The following MGAT4C variants were observed in gnomAD, a reference collection of about 807,000 sequenced individuals.
MGAT4C encodes MGAT4 family member C, also known as alpha-1,3-mannosyl-glycoprotein 4-beta-N-acetylglucosaminyltransferase C.
MGAT4C carries 19 observed loss-of-function variants against 40.1 expected under a neutral mutation model. That is an observed-to-expected ratio of 0.47 (90% confidence interval 0.33 to 0.70). The LOEUF (loss-of-function observed/expected upper bound fraction) is 0.70. MGAT4C is among the 30% of genes least tolerant of loss of function. The pLI, the probability that MGAT4C is intolerant of heterozygous loss-of-function variation, is 0.02. For missense variants in MGAT4C, 491 were observed against 563.2 expected (o/e 0.87, Z 1.30); for synonymous variants, 181 against 187.1 (o/e 0.97, Z 0.27).
chr12:86,787,619 C>A (rs968676187), intron 1 of MGAT4C, among the ~76,000 whole-genome samples: 4 of 151,938 alleles, frequency 2.6e-5, no homozygotes, highest in African/African-American at 7.3e-5. Context: ...AGTCAAAAAA[C>A]AACAGCTATT....
At chr12:86,622,688 T>C (rs951631442) in intron 2 of MGAT4C, among the ~76,000 whole-genome samples, 2 of 152,092 alleles carry the variant, frequency 1.3e-5, no homozygotes, top group African/African-American at 4.8e-5. Context: ...TCAAGAATAT[T>C]AATGAGAATA....
At chr12:86,510,385 A>C (rs574452579) in intron 2 of MGAT4C, among the ~76,000 whole-genome samples, 116 of 152,262 alleles carry the variant, frequency 7.6e-4, no homozygotes, top group Admixed American at 3.4e-3. Context: ...ACTGCAAAAA[A>C]ATGCCAAATT....
intron 2 of MGAT4C, among the ~76,000 whole-genome samples, chr12:86,044,210 T>C (rs568349343): frequency 6.6e-6 from 1 of 152,186 alleles, no homozygotes; most frequent in Non-Finnish European, 1.5e-5. Flanking sequence ...CTCCCAGCTT[T>C]GTTCTCAGGA....
chr12:86,239,408 C>G (rs933234199), intron 1 of MGAT4C, among the ~76,000 whole-genome samples: 40 of 149,840 alleles, frequency 2.7e-4, no homozygotes, highest in African/African-American at 2.7e-4. Context: ...CCACAGCCAT[C>G]TCTCTCTCTC....
intron 2 of MGAT4C, among the ~76,000 whole-genome samples, chr12:86,588,859 AC>A (rs1961190458): frequency 1.3e-5 from 2 of 151,912 alleles, no homozygotes; most frequent in Non-Finnish European, 2.9e-5. Context: ...ACCAACGAGA[AC>A]AAAGACACAA....
At chr12:86,756,362 A>G (rs536121293) in intron 1 of MGAT4C, among the ~76,000 whole-genome samples, 10 of 152,110 alleles carry the variant, frequency 6.6e-5, no homozygotes, top group African/African-American at 2.4e-4. Flanking sequence ...ATGGTTACCA[A>G]CCAAAGGCCT....
chr12:86,136,554 G>A (rs1418981537), intron 1 of MGAT4C, among the ~76,000 whole-genome samples: 2 of 151,958 alleles, frequency 1.3e-5, no homozygotes, highest in African/African-American at 4.8e-5. Flanking sequence ...TGAAAGAGTT[G>A]GTCAATTAAC....
chr12:86,391,686 G>A (rs1317513813), intron 3 of MGAT4C, among the ~76,000 whole-genome samples: 1 of 151,910 alleles, frequency 6.6e-6, no homozygotes, highest in African/African-American at 2.4e-5. Context: ...GTGAAACCCC[G>A]TCTCTACTAA....
chr12:85,991,968 G>T (rs1260533721), intron 2 of MGAT4C, among the ~76,000 whole-genome samples: 1 of 152,114 alleles, frequency 6.6e-6, no homozygotes, highest in Non-Finnish European at 1.5e-5. Flanking sequence ...TTCAGAAGTG[G>T]CCCTACCTTT....
intron 2 of MGAT4C, among the ~76,000 whole-genome samples, chr12:86,624,059 C>G (rs569614407): frequency 7.9e-5 from 12 of 152,266 alleles, no homozygotes; most frequent in Middle Eastern, 3.4e-3. Flanking sequence ...AGAGCTCACT[C>G]AGGGTAAACA....
chr12:86,114,626 C>T (rs1170578640), intron 1 of MGAT4C, among the ~76,000 whole-genome samples: 1 of 151,322 alleles, frequency 6.6e-6, no homozygotes, highest in Non-Finnish European at 1.5e-5. Flanking sequence ...TTTATAGCAA[C>T]CCATGCTAAT....
rs552309575 is a variant in MGAT4C, at chr12:86,010,166, T to C, written c.-6-20614A>G. Among the ~76,000 whole-genome samples, 6 of 152,024 alleles carry C rather than the reference T, an allele frequency of 3.9e-5. No homozygotes were observed. The South Asian group carries it at 1.2e-3, about 32-fold the overall frequency. Reference sequence around the variant, plus strand: ...GAAAGGGGGAAGTAGTCTAAGTTTGTATATCTACACCATATAGATAATAGG... The same window carrying C: ...GAAAGGGGGAAGTAGTCTAAGTTTGCATATCTACACCATATAGATAATAGG... On this transcript the variant is annotated intron_variant, in intron 2 of 4. Coordinates refer to ENST00000611864, the MANE Select transcript of MGAT4C (RefSeq NM_001351288.2).
At chr12:86,340,198 A>G (rs925100439) in intron 3 of MGAT4C, among the ~76,000 whole-genome samples, 3 of 152,204 alleles carry the variant, frequency 2.0e-5, no homozygotes, top group Admixed American at 1.3e-4. Context: ...ATCATCTTAA[A>G]GAACATAACA....
intron 1 of MGAT4C, among the ~76,000 whole-genome samples, chr12:86,097,932 C>T (rs142955766): frequency 2.1e-3 from 313 of 151,674 alleles, no homozygotes; most frequent in African/African-American, 7.2e-3. Flanking sequence ...CAAGATAATG[C>T]TAATGAGAAT....
At chr12:86,672,750 A>G (rs11610101) in intron 2 of MGAT4C, among the ~76,000 whole-genome samples, 2,086 of 152,238 alleles carry the variant, frequency 0.014, 24 homozygotes, top group South Asian at 0.025. Flanking sequence ...GAAACTAGAA[A>G]GTAATAGGGA....
At chr12:86,004,150 C>T (rs989710150) in intron 2 of MGAT4C, among the ~76,000 whole-genome samples, 3 of 152,000 alleles carry the variant, frequency 2.0e-5, no homozygotes, top group Non-Finnish European at 4.4e-5. Flanking sequence ...AAGAGAAATA[C>T]TAAAAATAAT....
chr12:86,648,381 A>G (rs752728517), intron 2 of MGAT4C, among the ~76,000 whole-genome samples: 1 of 151,864 alleles, frequency 6.6e-6, no homozygotes, highest in Non-Finnish European at 1.5e-5. Context: ...CATCTGTTGA[A>G]ACCTAGTCTA....
chr12:86,388,891 C>T (rs763844601), intron 3 of MGAT4C, among the ~76,000 whole-genome samples: 22 of 151,884 alleles, frequency 1.4e-4, no homozygotes, highest in Admixed American at 5.9e-4. Flanking sequence ...ACCATGTTGG[C>T]CAGGCTGGTC....
Position 85,969,394 on chromosome 12 carries a change from T to C in MGAT4C, c.*9895A>G, listed in dbSNP as rs1430966685. 1.3e-5 allele frequency: 2 copies of C among 151,644 alleles called. No individual in the cohort carries two copies. The highest frequency in any genetic ancestry group is 3.0e-5 in the Non-Finnish European group (2 of 67,664). 9.4% of individuals were successfully genotyped at this position (151,644 alleles called of 1,614,324 possible). ...ATACTGTCTAACTACCAGTTTGGTA[T>C]GTTTGGGGCTGGTGTTATGAAAGAC... On this transcript the variant is annotated 3_prime_UTR_variant, in exon 5 of 5. Coordinates refer to ENST00000611864, the MANE Select transcript of MGAT4C (RefSeq NM_001351288.2).
Sources: gnomAD v4.1 joint callset for allele counts (sites outside exome capture counted in the v4.1 genomes callset) on GRCh38, gnomAD v4.1.1 for gene constraint, MANE v1.5 for transcripts, NCBI Gene and HGNC (gene_info 2026-07-23, HGNC 2026-07-21) for gene names.